MALRD1: variants seen among roughly 807,000 people sequenced by gnomAD.
The protein encoded by MALRD1 is MAM and LDL receptor class A domain containing 1, also known as MAM and LDL-receptor class A domain-containing protein 1.
A neutral mutation model predicts 242.1 loss-of-function variants in MALRD1; 247 were observed. The ratio of observed to expected loss-of-function variants is 1.02; its 90% CI spans 0.92 to 1.13. The LOEUF (loss-of-function observed/expected upper bound fraction) is 1.13, where lower values mean the gene tolerates loss of function less well. Ranked by LOEUF, MALRD1 falls within the 50% of genes most tolerant of loss-of-function variation. The probability of loss-of-function intolerance (pLI) is 0.00; values close to 1 mark genes in which losing one functional copy is unlikely to be tolerated. For missense variants in MALRD1, 2,989 were observed against 2,533.1 expected, an observed-to-expected ratio of 1.18 and a Z score of -3.86; for synonymous variants, 995 against 866.6, an observed-to-expected ratio of 1.15 and a Z score of -2.60.
In MALRD1 at chr10:19,066,931, G is replaced by A. The variant is rs534657450; in HGVS notation, c.340+72G>A. 1,272 of 1,135,468 alleles carry A rather than the reference G, an allele frequency of 1.1e-3. 1 individual carries two copies. Among genetic ancestry groups the A allele is most frequent in the South Asian group, 2.0e-3 (44 of 22,152 alleles). The allele number at this position is 1,135,468 out of a possible 1,614,324, so 70.3% of individuals were successfully genotyped here. A position where few individuals can be genotyped will look rare whatever the true frequency, so the allele number is the denominator to read the frequency against. ...CCTTCCTTCCCTCCCTTCCTTCTTC[G>A]TTCTTTCCCACCTCCCTTTCTTCCG... On this transcript the variant is annotated intron_variant, in intron 2 of 39. Coordinates refer to ENST00000454679, the MANE Select transcript of MALRD1 (RefSeq NM_001142308.3).
At chr10:19,127,001 T>A (rs982882406) in intron 7 of MALRD1, among the ~76,000 whole-genome samples, 4 of 152,318 alleles carry the variant, frequency 2.6e-5, no homozygotes, top group African/African-American at 9.6e-5. Context: ...AGTGAGAACA[T>A]GTGGTACTTG....
chr10:19,497,640 C>T (rs1345545702), intron 30 of MALRD1, among the ~76,000 whole-genome samples: 2 of 151,768 alleles, frequency 1.3e-5, no homozygotes, highest in African/African-American at 2.4e-5. Context: ...AAGTTGTGAA[C>T]GAGAAGGAAG....
At chr10:19,533,811 G>C (rs1211651092) in intron 32 of MALRD1, among the ~76,000 whole-genome samples, 1 of 152,152 alleles carries the variant, frequency 6.6e-6, no homozygotes, top group Non-Finnish European at 1.5e-5. Flanking sequence ...CATGAGATTT[G>C]GACGGGGTCA....
chr10:19,659,852 G>A (rs11815767), intron 36 of MALRD1, among the ~76,000 whole-genome samples: 14,659 of 152,078 alleles, frequency 0.096, 1,826 homozygotes, highest in African/African-American at 0.29. Context: ...CTCTACTGAG[G>A]TAGAAAATTT....
intron 29 of MALRD1, chr10:19,489,472 C>T: frequency 1.7e-6 from 1 of 577,662 alleles, no homozygotes; most frequent in Non-Finnish European, 3.2e-6. Flanking sequence ...ATATTTTTAT[C>T]AACCATTTTG....
intron 21 of MALRD1, among the ~76,000 whole-genome samples, chr10:19,287,451 G>A (rs910709881): frequency 2.0e-5 from 3 of 151,974 alleles, no homozygotes; most frequent in Admixed American, 6.6e-5. Flanking sequence ...TATTAGCTTA[G>A]CAGTATTCTG....
At chr10:19,116,081 T>C (rs1362659691) in intron 5 of MALRD1, among the ~76,000 whole-genome samples, 1 of 152,082 alleles carries the variant, frequency 6.6e-6, no homozygotes, top group Non-Finnish European at 1.5e-5. Flanking sequence ...AATTTTATTG[T>C]ACATTTATTG....
intron 25 of MALRD1, among the ~76,000 whole-genome samples, chr10:19,350,000 A>G (rs1844302712): frequency 6.6e-6 from 1 of 152,126 alleles, no homozygotes. Flanking sequence ...GGTTCATTTT[A>G]TGAATATTTA....
intron 18 of MALRD1, among the ~76,000 whole-genome samples, chr10:19,240,131 A>G (rs190252255): frequency 3.7e-4 from 57 of 152,260 alleles, no homozygotes; most frequent in Non-Finnish European, 5.1e-4. Context: ...ATCCATGAGT[A>G]TATAATGTCC....
At chr10:19,304,539 A>G (rs1842087962) in intron 21 of MALRD1, among the ~76,000 whole-genome samples, 1 of 151,796 alleles carries the variant, frequency 6.6e-6, no homozygotes, top group African/African-American at 2.4e-5. Flanking sequence ...AAAGGGATAC[A>G]TCATAAATTG....
intron 1 of MALRD1, among the ~76,000 whole-genome samples, chr10:19,060,126 G>T (rs1834779940): frequency 6.6e-6 from 1 of 152,048 alleles, no homozygotes; most frequent in Admixed American, 6.6e-5. Context: ...TTTTGTTTTG[G>T]AGCATAGTGT....
At chr10:19,499,046 C>G (rs1026609835) in intron 31 of MALRD1, among the ~76,000 whole-genome samples, 1 of 152,098 alleles carries the variant, frequency 6.6e-6, no homozygotes, top group Non-Finnish European at 1.5e-5. Flanking sequence ...TGGCTGACCA[C>G]CAATTTCCTT....
chr10:19,244,491 G>C (rs577737583), intron 18 of MALRD1, among the ~76,000 whole-genome samples: 5 of 152,024 alleles, frequency 3.3e-5, no homozygotes, highest in Non-Finnish European at 7.4e-5. Context: ...GATGGCTTGA[G>C]TCCGAGAGGC....
At position 19,109,137 on chromosome 10, in the gene MALRD1, C is replaced by T. The variant is rs368154329; in HGVS notation, c.694+5062C>T. ...TCAGCTGTAGTCAACATCAGTAATACCTGAAGGTGTCTCATTGGCTCAGGT... is the reference window on the plus strand; with the variant it reads ...TCAGCTGTAGTCAACATCAGTAATATCTGAAGGTGTCTCATTGGCTCAGGT... On this transcript the variant is annotated intron_variant, in intron 5 of 39. Transcript: ENST00000454679. 2.0e-4 allele frequency among the ~76,000 whole-genome samples: 31 copies of T among 152,106 alleles called. 1 individual carries two copies. Among genetic ancestry groups the T allele is most frequent in the Admixed American group, 2.0e-3 (30 of 15,270 alleles).
At chr10:19,593,902 C>T (rs527319880) in intron 33 of MALRD1, among the ~76,000 whole-genome samples, 1 of 152,242 alleles carries the variant, frequency 6.6e-6, no homozygotes, top group East Asian at 1.9e-4. Flanking sequence ...CCTAATGCAA[C>T]GTCTTAGATT....
intron 5 of MALRD1, among the ~76,000 whole-genome samples, chr10:19,110,300 A>G (rs1164680812): frequency 1.3e-5 from 2 of 152,166 alleles, no homozygotes; most frequent in East Asian, 3.9e-4. Flanking sequence ...TGCCACATAG[A>G]CCAAGCCTGG....
At chr10:19,161,963 G>A (rs796749864) in intron 12 of MALRD1, among the ~76,000 whole-genome samples, 1 of 152,168 alleles carries the variant, frequency 6.6e-6, no homozygotes, top group African/African-American at 2.4e-5. Context: ...AGGAAGTGGA[G>A]GCTGCAGTGA....
At chr10:19,468,720 A>G (rs895363770) in intron 29 of MALRD1, among the ~76,000 whole-genome samples, 3 of 152,024 alleles carry the variant, frequency 2.0e-5, no homozygotes, top group African/African-American at 7.2e-5. Flanking sequence ...CTCAGTGTTT[A>G]TATAATCTGA....
chr10:19,430,156 C>T (rs1422681986), intron 28 of MALRD1, among the ~76,000 whole-genome samples: 4 of 118,566 alleles, frequency 3.4e-5, no homozygotes, highest in Non-Finnish European at 4.9e-5. Flanking sequence ...ACTCTGTTGC[C>T]CAGGCTGGAG....
Sources: allele counts gnomAD v4.1 joint callset (sites outside exome capture counted in the v4.1 genomes callset), GRCh38; gene constraint gnomAD v4.1.1; transcripts MANE v1.5; gene names NCBI Gene and HGNC (gene_info 2026-07-23, HGNC 2026-07-21).